NEGR1: variants seen among roughly 807,000 people sequenced by gnomAD.
NEGR1 encodes the protein neuronal growth regulator 1, also known as IgLON family member 4.
Under a neutral mutation model 40.9 loss-of-function variants are expected in NEGR1, and 10 were observed. The observed-to-expected ratio is 0.24, with a 90% CI of 0.15 to 0.42. The LOEUF (loss-of-function observed/expected upper bound fraction) is 0.42. Among genes scored for constraint, NEGR1 ranks in the 10% least tolerant of loss-of-function variants. NEGR1 has a pLI of 1.00. For synonymous variants in NEGR1, 185 were observed against 166.8 expected, an observed-to-expected ratio of 1.11 and a Z score of -0.84; for missense variants, 352 against 438.9, an observed-to-expected ratio of 0.80 and a Z score of 1.77.
chr1:72,238,995 A>G (rs1000410546), intron 1 of NEGR1, among the ~76,000 whole-genome samples: 3 of 151,820 alleles, frequency 2.0e-5, no homozygotes, highest in Non-Finnish European at 4.4e-5. Context: ...TTCCTTCCTG[A>G]GCATTTTTCA....
At chr1:71,818,032 A>C (rs780152228) in intron 2 of NEGR1, among the ~76,000 whole-genome samples, 8 of 152,038 alleles carry the variant, frequency 5.3e-5, no homozygotes, top group Non-Finnish European at 1.0e-4. Flanking sequence ...AAAAAGTCAA[A>C]ACATTAACAG....
chr1:71,944,901 C>T (rs183400269), intron 1 of NEGR1, among the ~76,000 whole-genome samples: 3 of 151,988 alleles, frequency 2.0e-5, no homozygotes, highest in Admixed American at 6.5e-5. Flanking sequence ...TCTGTCTTCT[C>T]GAGAAAATGG....
At chr1:72,180,499 A>G (rs1652326265) in intron 1 of NEGR1, among the ~76,000 whole-genome samples, 1 of 152,074 alleles carries the variant, frequency 6.6e-6, no homozygotes. Flanking sequence ...TCTGCATAGT[A>G]AAGGAAACAA....
chr1:71,778,067 G>A (rs533086953), intron 2 of NEGR1, among the ~76,000 whole-genome samples: 117 of 152,004 alleles, frequency 7.7e-4, no homozygotes, highest in Non-Finnish European at 1.3e-3. Flanking sequence ...AAATAGGAGA[G>A]TTAATAATAA....
chr1:71,762,523 C>CA (rs1296499721), intron 3 of NEGR1, among the ~76,000 whole-genome samples: 1 of 151,792 alleles, frequency 6.6e-6, no homozygotes, highest in African/African-American at 2.4e-5. Flanking sequence ...TTGTTATAAA[C>CA]AAAAACTGAA....
At chr1:72,231,803 G>A (rs981388830) in intron 1 of NEGR1, among the ~76,000 whole-genome samples, 1 of 152,100 alleles carries the variant, frequency 6.6e-6, no homozygotes, top group African/African-American at 2.4e-5. Context: ...GGGAAAAATG[G>A]CAAATAGAAG....
At chr1:72,071,696 T>A (rs997292754) in intron 1 of NEGR1, among the ~76,000 whole-genome samples, 1 of 152,102 alleles carries the variant, frequency 6.6e-6, no homozygotes, top group African/African-American at 2.4e-5. Context: ...TTGATAAGTC[T>A]CCTATTTCTT....
At chr1:71,668,902 G>A (rs7531932) in intron 4 of NEGR1, among the ~76,000 whole-genome samples, 86,982 of 151,798 alleles carry the variant, frequency 0.57, 25,001 homozygotes, top group African/African-American at 0.63. Context: ...ATGTGTCAAC[G>A]TATGTTGACT....
Position 72,222,692 on chromosome 1 carries a change from A to T in NEGR1, c.176+59627T>A, listed in dbSNP as rs1217826668. On this transcript the variant is annotated intron_variant, in intron 1 of 6. Coordinates refer to ENST00000357731, the MANE Select transcript of NEGR1 (RefSeq NM_173808.3). ...ACTATGTGTCCAATAAGGTATGCTGAGATAATCCTACGTGACTTCAGAAGC... is the reference window on the plus strand; with the variant it reads ...ACTATGTGTCCAATAAGGTATGCTGTGATAATCCTACGTGACTTCAGAAGC... Among the ~76,000 whole-genome samples, 2 of 152,126 alleles carry T rather than the reference A, an allele frequency of 1.3e-5. 1 individual carries two copies. The highest frequency in any genetic ancestry group is 2.9e-5 in the Non-Finnish European group (2 of 68,020).
chr1:71,913,232 CA>C (rs1326582635), intron 2 of NEGR1, among the ~76,000 whole-genome samples: 1 of 152,156 alleles, frequency 6.6e-6, no homozygotes, highest in Non-Finnish European at 1.5e-5. Context: ...TCTCCTGCCT[CA>C]GCCTCCAAGT....
intron 6 of NEGR1, among the ~76,000 whole-genome samples, chr1:71,564,582 T>C (rs1343985569): frequency 6.6e-6 from 1 of 152,130 alleles, no homozygotes; most frequent in Non-Finnish European, 1.5e-5. Flanking sequence ...TGTTGATATG[T>C]ACAAAGATGT....
At chr1:71,896,695 T>C (rs1270438462) in intron 2 of NEGR1, among the ~76,000 whole-genome samples, 1 of 152,218 alleles carries the variant, frequency 6.6e-6, no homozygotes, top group Non-Finnish European at 1.5e-5. Flanking sequence ...TTCAGATTTT[T>C]GATCATTTTG....
At chr1:71,773,177 C>T (rs1389346919) in intron 3 of NEGR1, among the ~76,000 whole-genome samples, 1 of 152,120 alleles carries the variant, frequency 6.6e-6, no homozygotes. Flanking sequence ...AGCTATCATC[C>T]TGTGACCAAC....
At chr1:72,065,365 G>A (rs1407762416) in intron 1 of NEGR1, among the ~76,000 whole-genome samples, 2 of 151,956 alleles carry the variant, frequency 1.3e-5, no homozygotes, top group African/African-American at 4.8e-5. Flanking sequence ...CCTAAATGGG[G>A]TAACTTTGAT....
intron 4 of NEGR1, among the ~76,000 whole-genome samples, chr1:71,635,340 A>G (rs1247899474): frequency 3.7e-4 from 56 of 152,088 alleles, no homozygotes; most frequent in Admixed American, 3.7e-3. Flanking sequence ...AAAACAATCT[A>G]TCACTTTGGC....
chr1:72,123,742 T>C (rs1255886164), intron 1 of NEGR1, among the ~76,000 whole-genome samples: 1 of 151,990 alleles, frequency 6.6e-6, no homozygotes, highest in Non-Finnish European at 1.5e-5. Context: ...AGGTAACATA[T>C]TATTTTATAT....
chr1:71,705,580 C>A (rs778290858), intron 3 of NEGR1, among the ~76,000 whole-genome samples: 2 of 152,002 alleles, frequency 1.3e-5, no homozygotes, highest in African/African-American at 4.8e-5. Flanking sequence ...CCAGGCCTGG[C>A]GTGGTGGTGG....
chr1:72,266,044 C>T (rs1008148624), intron 1 of NEGR1, among the ~76,000 whole-genome samples: 5 of 150,784 alleles, frequency 3.3e-5, no homozygotes, highest in African/African-American at 1.2e-4. Flanking sequence ...CTAAGATCAT[C>T]GTTTGTGAGA....
intron 4 of NEGR1, among the ~76,000 whole-genome samples, chr1:71,688,454 G>GATATATATATATAAGATATT (rs1653137795): frequency 1.9e-4 from 1 of 5,368 alleles, no homozygotes. Flanking sequence ...TAAAAGATAT[G>GATATATATATATAAGATATT]TATATATCTT....
Sources: gnomAD v4.1 joint callset for allele counts (sites outside exome capture counted in the v4.1 genomes callset) on GRCh38, gnomAD v4.1.1 for gene constraint, MANE v1.5 for transcripts, NCBI Gene and HGNC (gene_info 2026-07-23, HGNC 2026-07-21) for gene names.